Variants in PEBP4 observed in about 807,000 individuals in gnomAD.
PEBP4 encodes the protein phosphatidylethanolamine-binding protein 4.
In PEBP4, 22 loss-of-function variants were observed where a neutral mutation model predicts 23.9. That is an observed-to-expected ratio of 0.92 (90% CI 0.66 to 1.31). The LOEUF (loss-of-function observed/expected upper bound fraction) is 1.31, where lower values mean the gene tolerates loss of function less well. Ranked by LOEUF, PEBP4 falls within the 40% of genes most tolerant of loss-of-function variation. The probability of loss-of-function intolerance (pLI) is 0.00; values close to 1 mark genes in which losing one functional copy is unlikely to be tolerated. For missense variants in PEBP4, 324 were observed against 281.7 expected, an observed-to-expected ratio of 1.15 and a Z score of -1.07; for synonymous variants, 112 against 99.3, an observed-to-expected ratio of 1.13 and a Z score of -0.76.
chr8:22,732,741 G>A (rs2128749535), intron 4 of PEBP4, among the ~76,000 whole-genome samples: 1 of 152,038 alleles, frequency 6.6e-6, no homozygotes, highest in East Asian at 1.9e-4. Context: ...TGACTGCTTG[G>A]CACAGGACTA....
rs1808390454 is a variant in PEBP4, at chr8:22,886,905, A to C, written c.258+33279T>G. The C allele has an allele frequency of 2.0e-5, 3 of 152,432 alleles. No homozygotes were observed. The East Asian group carries it at 5.8e-4, about 29-fold the overall frequency. 9.4% of individuals were successfully genotyped at this position (152,432 alleles called of 1,614,324 possible). A position where few individuals can be genotyped will look rare whatever the true frequency, so the allele number is the denominator to read the frequency against. On this transcript the variant is annotated intron_variant, in intron 3 of 6. Transcript: ENST00000256404. ...TGGGTAAGGTCAGAGGGATTCGAGG[A>C]GGCCCAGGGATCACCCCAGGGTGGG...
At chr8:22,836,650 G>A (rs531311094) in intron 3 of PEBP4, among the ~76,000 whole-genome samples, 2 of 152,310 alleles carry the variant, frequency 1.3e-5, no homozygotes, top group Admixed American at 6.5e-5. Flanking sequence ...TGGGCCAGCC[G>A]GGTGGCGAGT....
At chr8:22,874,449 A>T (rs1385172759) in intron 3 of PEBP4, among the ~76,000 whole-genome samples, 2 of 152,180 alleles carry the variant, frequency 1.3e-5, no homozygotes, top group East Asian at 3.9e-4. Context: ...TTAAAAAAGA[A>T]ATAGTTATAA....
intron 4 of PEBP4, among the ~76,000 whole-genome samples, chr8:22,771,619 A>C (rs192315266): frequency 6.6e-5 from 10 of 152,376 alleles, no homozygotes; most frequent in African/African-American, 2.2e-4. Context: ...ATTCAGGTAG[A>C]AGGTGAGACT....
chr8:22,930,905 C>T (rs1382948620), upstream of PEBP4, among the ~76,000 whole-genome samples: 3 of 152,202 alleles, frequency 2.0e-5, no homozygotes, highest in Non-Finnish European at 2.9e-5. Flanking sequence ...AAGTCCCCCT[C>T]TCTTCCTTCA....
In PEBP4 at chr8:22,717,203, TA is replaced by T. The variant is rs1243693903; in HGVS notation, c.518-3668del. ...TTGTGTGCTACCACACCTGGGTAAT[TA>T]AAAAAAAATTATCTGTAGAGACAGG... On this transcript the variant is annotated intron_variant, in intron 6 of 6. Coordinates refer to ENST00000256404, the MANE Select transcript of PEBP4 (RefSeq NM_144962.3). 5.3e-5 allele frequency among the ~76,000 whole-genome samples: 8 copies of T among 151,736 alleles called. No homozygotes were observed. In the East Asian group the frequency reaches 5.8e-4, roughly 11 times the overall value.
At chr8:22,840,106 A>T (rs1807292127) in intron 3 of PEBP4, among the ~76,000 whole-genome samples, 1 of 152,230 alleles carries the variant, frequency 6.6e-6, no homozygotes, top group South Asian at 2.1e-4. Flanking sequence ...CCATCAGAAG[A>T]TTTTATAAAA....
At chr8:22,841,265 T>C (rs2128765641) in intron 3 of PEBP4, among the ~76,000 whole-genome samples, 1 of 152,356 alleles carries the variant, frequency 6.6e-6, no homozygotes, top group Middle Eastern at 3.4e-3. Context: ...TCTGTGGCCC[T>C]TTGAGGGGGT....
chr8:22,748,555 C>A (rs112236577), intron 4 of PEBP4, among the ~76,000 whole-genome samples: 1 of 151,632 alleles, frequency 6.6e-6, no homozygotes, highest in Admixed American at 6.6e-5. Context: ...TGCTCTTCTC[C>A]CCTCCCCAGC....
At chr8:22,873,053 T>C (rs1336239134) in intron 3 of PEBP4, among the ~76,000 whole-genome samples, 4 of 152,144 alleles carry the variant, frequency 2.6e-5, no homozygotes, top group South Asian at 2.1e-4. Context: ...AAGATTCTTA[T>C]AGGCAAAATT....
At chr8:22,766,914 C>A (rs1805623896) in intron 4 of PEBP4, among the ~76,000 whole-genome samples, 1 of 152,194 alleles carries the variant, frequency 6.6e-6, no homozygotes, top group Non-Finnish European at 1.5e-5. Context: ...GCCATGTGGC[C>A]TTAGGTGAGT....
At chr8:22,740,168 A>ATGGAAGGAAAAAGAGACAGAGGGACTC (rs1804959390) in intron 4 of PEBP4, among the ~76,000 whole-genome samples, 1 of 152,230 alleles carries the variant, frequency 6.6e-6, no homozygotes, top group African/African-American at 2.4e-5. Flanking sequence ...GGAAGGATGG[A>ATGGAAGGAAAAAGAGACAGAGGGACTC]TGGAAGGAAA....
Position 22,750,382 on chromosome 8 carries a change from G to T in PEBP4, c.358-23162C>A, listed in dbSNP as rs371791574. Among the ~76,000 whole-genome samples the T allele has an allele frequency of 6.6e-5, 10 of 152,344 alleles. No individual in the cohort carries two copies. In the South Asian group the frequency reaches 1.2e-3, roughly 19 times the overall value. The stretch of plus-strand genomic sequence containing the variant: ...CCCAAAGTGCTGGGATTACAGGCGT[G>T]AGCCACCGCGCCCAGCCAGTTTGTG... On this transcript the variant is annotated intron_variant, in intron 4 of 6. Transcript: ENST00000256404.
At chr8:22,929,286 T>A (rs1273316289), upstream of PEBP4, among the ~76,000 whole-genome samples, 1 of 152,160 alleles carries the variant, frequency 6.6e-6, no homozygotes, top group Non-Finnish European at 1.5e-5. Flanking sequence ...GGCCCTGGGG[T>A]ATAGGTTGAG....
At chr8:22,818,741 C>T (rs1162966377) in intron 3 of PEBP4, among the ~76,000 whole-genome samples, 1 of 152,120 alleles carries the variant, frequency 6.6e-6, no homozygotes, top group African/African-American at 2.4e-5. Context: ...AGGAGACTCG[C>T]AGTAGCATGG....
chr8:22,920,261 C>G lies in PEBP4; in HGVS notation c.181G>C (p.Val61Leu), dbSNP rs1206340773. The G allele has an allele frequency of 7.4e-6, 12 of 1,613,840 alleles. No homozygotes were observed. The highest frequency in any genetic ancestry group is 1.0e-5 in the Non-Finnish European group (12 of 1,179,818). Reference protein sequence around the residue: ...PELGNIGCKVVPDCNNYRQKI... With the variant: ...PELGNIGCKVLPDCNNYRQKI... ...TGTCTGTAGTTGTTACAATCAGGAA[C>G]AACCTTGCAGCCAATGTTCCCCAAC... Residue 61 changes from valine to leucine, a missense_variant, in exon 3 of 7, where the codon GTT becomes CTT. Physicochemically the swap from Val to Leu is conservative, Grantham distance 32. Transcript: ENST00000256404.
chr8:22,860,733 T>C (rs1292605965), intron 3 of PEBP4, among the ~76,000 whole-genome samples: 1 of 152,234 alleles, frequency 6.6e-6, no homozygotes, highest in Non-Finnish European at 1.5e-5. Context: ...GTTAGTCATG[T>C]ACAAAGATCT....
intron 4 of PEBP4, among the ~76,000 whole-genome samples, chr8:22,793,939 G>A (rs1806191200): frequency 6.6e-6 from 1 of 152,108 alleles, no homozygotes; most frequent in Non-Finnish European, 1.5e-5. Context: ...AGAAGATACT[G>A]GATGACATTT....
chr8:22,807,898 C>G (rs11135680), intron 4 of PEBP4, among the ~76,000 whole-genome samples: 34,401 of 133,600 alleles, frequency 0.26, 4,101 homozygotes, highest in East Asian at 0.4. Flanking sequence ...CATCCATCCA[C>G]CCACCCAACC....
Sources: allele counts gnomAD v4.1 joint callset (sites outside exome capture counted in the v4.1 genomes callset), GRCh38; gene constraint gnomAD v4.1.1; transcripts MANE v1.5; gene names NCBI Gene and HGNC (gene_info 2026-07-23, HGNC 2026-07-21).